RANBP2: variants seen among roughly 807,000 people sequenced by gnomAD.
RANBP2 encodes the protein RAN binding protein 2, also known as E3 SUMO-protein ligase RanBP2.
A neutral mutation model predicts 303.6 loss-of-function variants in RANBP2; 57 were observed. The observed-to-expected ratio is 0.19, with a 90% CI of 0.15 to 0.23. RANBP2 has a LOEUF of 0.23. Ranked by LOEUF, RANBP2 falls within the 10% of genes least tolerant of loss-of-function variation. The pLI is 1.00. For missense variants in RANBP2, 3,138 were observed against 3,780.8 expected, an observed-to-expected ratio of 0.83 and a Z score of 4.46; for synonymous variants, 1,167 against 1,301.5, an observed-to-expected ratio of 0.90 and a Z score of 2.23.
At chr2:109,120,227 G>A in the RANBP2 span, among the ~76,000 whole-genome samples, 1 of 152,350 alleles carries the variant, frequency 6.6e-6, no homozygotes, top group African/African-American at 2.4e-5. Context: ...AGGAGGGGGA[G>A]GGCCTCCCAG....
chr2:109,137,409 G>C, the RANBP2 span, among the ~76,000 whole-genome samples: 1 of 152,238 alleles, frequency 6.6e-6, no homozygotes, highest in Non-Finnish European at 1.5e-5. Context: ...CAGAGAAGCT[G>C]TCTGCTGTTT....
chr2:109,070,515 G>A, the RANBP2 span, among the ~76,000 whole-genome samples: 1 of 152,190 alleles, frequency 6.6e-6, no homozygotes, highest in South Asian at 2.1e-4. Flanking sequence ...ACATCATCTT[G>A]GTGGTGAGTG....
chr2:109,230,457 G>T, the RANBP2 span, among the ~76,000 whole-genome samples: 2 of 152,140 alleles, frequency 1.3e-5, no homozygotes, highest in African/African-American at 4.8e-5. Flanking sequence ...GTGCATGCCT[G>T]TTATCCCAGT....
At chr2:109,455,778 C>T in the RANBP2 span, among the ~76,000 whole-genome samples, 6 of 152,212 alleles carry the variant, frequency 3.9e-5, no homozygotes, top group South Asian at 4.1e-4. Context: ...CTGCTGCCAG[C>T]GCTCATCCCA....
the RANBP2 span, among the ~76,000 whole-genome samples, chr2:108,904,031 T>C: frequency 6.6e-6 from 1 of 152,084 alleles, no homozygotes; most frequent in Non-Finnish European, 1.5e-5. Context: ...AGCTAAACTA[T>C]AGAATGGAGA....
chr2:109,710,041 C>T, the RANBP2 span, among the ~76,000 whole-genome samples: 2 of 146,256 alleles, frequency 1.4e-5, no homozygotes, highest in East Asian at 2.0e-4. Context: ...AAGCTGAGAT[C>T]GTGCCACTGC....
chr2:109,145,650 T>TA, the RANBP2 span, among the ~76,000 whole-genome samples: 1 of 152,224 alleles, frequency 6.6e-6, no homozygotes, highest in African/African-American at 2.4e-5. Context: ...GTGGACTTCC[T>TA]AAGGAGCACT....
At chr2:109,311,475 G>T in the RANBP2 span, among the ~76,000 whole-genome samples, 2 of 149,068 alleles carry the variant, frequency 1.3e-5, no homozygotes, top group African/African-American at 2.5e-5. Context: ...TCAACATAGT[G>T]TTGGAAGTTC....
chr2:109,137,639 T>A, the RANBP2 span, among the ~76,000 whole-genome samples: 1 of 152,242 alleles, frequency 6.6e-6, no homozygotes, highest in Non-Finnish European at 1.5e-5. Flanking sequence ...ATTCCATTTG[T>A]TGCTCTAGGA....
chr2:108,781,296 GAGC>G lies in RANBP2; in HGVS notation c.8631_8633del (p.Ala2878del), dbSNP rs1388151063. 9 of 1,614,116 alleles carry G rather than the reference GAGC, an allele frequency of 5.6e-6. No individual in the cohort carries two copies. The South Asian group carries it at 9.9e-5, about 18-fold the overall frequency. Reference sequence around the variant, plus strand: ...AAAAATTTCCAATGGGCAAATACTGGAGCAGCTGTGTTTGGAACACAGTCAGTC... The same window carrying G: ...AAAAATTTCCAATGGGCAAATACTGGAGCTGTGTTTGGAACACAGTCAGTC... On this transcript the variant is annotated inframe_deletion, in exon 26 of 29. Transcript: ENST00000283195.
the RANBP2 span, chr2:109,313,502 A>G: frequency 0.59 from 91,296 of 154,708 alleles, 28,355 homozygotes; most frequent in East Asian, 0.91. Flanking sequence ...TTGCTGGGTG[A>G]GCGCTGTACC....
the RANBP2 span, chr2:109,127,866 T>C: frequency 1.3e-5 from 2 of 152,222 alleles, no homozygotes; most frequent in African/African-American, 4.8e-5. Flanking sequence ...GAAGTAAATA[T>C]AAATAAATAA....
chr2:109,424,777 C>T, the RANBP2 span, among the ~76,000 whole-genome samples: 22 of 152,150 alleles, frequency 1.4e-4, no homozygotes, highest in Non-Finnish European at 2.6e-4. Flanking sequence ...CTCTCTTTCT[C>T]TCCCCAGGCC....
At chr2:109,243,310 G>A in the RANBP2 span, among the ~76,000 whole-genome samples, 4 of 152,236 alleles carry the variant, frequency 2.6e-5, no homozygotes, top group Admixed American at 6.5e-5. Flanking sequence ...TGAGACTCCC[G>A]TGTGCTTTTG....
the RANBP2 span, among the ~76,000 whole-genome samples, chr2:109,488,642 C>T: frequency 9.9e-5 from 15 of 152,194 alleles, no homozygotes; most frequent in African/African-American, 2.7e-4. Context: ...AAGCAGTTCC[C>T]GATGTGTGTT....
At chr2:109,614,195 A>T in the RANBP2 span, 1 of 1,117,846 alleles carries the variant, frequency 8.9e-7, no homozygotes, top group Non-Finnish European at 1.1e-6. Context: ...GGCCCTCGCG[A>T]GGCCGGAAGT....
the RANBP2 span, among the ~76,000 whole-genome samples, chr2:109,073,916 C>A: frequency 6.6e-6 from 1 of 150,434 alleles, no homozygotes; most frequent in East Asian, 1.9e-4. Context: ...CACAAAGAAA[C>A]TACCTATAGA....
chr2:108,949,025 G>GCCT, the RANBP2 span, among the ~76,000 whole-genome samples: 1 of 152,170 alleles, frequency 6.6e-6, no homozygotes, highest in African/African-American at 2.4e-5. Flanking sequence ...CACCCAGGCT[G>GCCT]GAGTGCAGTG....
chr2:109,650,666 G>A, the RANBP2 span, among the ~76,000 whole-genome samples: 12 of 152,116 alleles, frequency 7.9e-5, no homozygotes, highest in East Asian at 5.8e-4. Flanking sequence ...AGCTTCCTCC[G>A]TGCTGTTCTT....
Sources: gnomAD v4.1 joint callset for allele counts (sites outside exome capture counted in the v4.1 genomes callset) on GRCh38, gnomAD v4.1.1 for gene constraint, MANE v1.5 for transcripts, NCBI Gene and HGNC (gene_info 2026-07-23, HGNC 2026-07-21) for gene names.